Variants in SLIT2 observed in about 807,000 individuals in gnomAD.
SLIT2 encodes the protein slit homolog 2 protein.
SLIT2 carries 41 observed loss-of-function variants against 185.7 expected under a neutral mutation model. The ratio of observed to expected loss-of-function variants is 0.22; its 90% CI spans 0.17 to 0.29. The LOEUF (loss-of-function observed/expected upper bound fraction) is 0.29, where lower values mean the gene tolerates loss of function less well. Among genes scored for constraint, SLIT2 ranks in the 10% least tolerant of loss-of-function variants. SLIT2 has a pLI of 1.00. For synonymous variants in SLIT2, 693 were observed against 680.2 expected, an observed-to-expected ratio of 1.02 and a Z score of -0.29; for missense variants, 1,571 against 1,909.0, an observed-to-expected ratio of 0.82 and a Z score of 3.30.
chr4:20,307,156 C>T (rs61792585), intron 4 of SLIT2, among the ~76,000 whole-genome samples: 6 of 15,474 alleles, frequency 3.9e-4, no homozygotes, highest in South Asian at 4.5e-3. Flanking sequence ...CCCTCCCTCC[C>T]TCCCTCCTTC....
Position 20,253,857 on chromosome 4 carries a change from G to A in SLIT2, c.42G>A (p.Gly14=). 1 of 1,600,510 alleles carries A rather than the reference G, an allele frequency of 6.2e-7. No individual in the cohort carries two copies. Among genetic ancestry groups the A allele is most frequent in the Non-Finnish European group, 8.5e-7 (1 of 1,179,900 alleles). Residue 14 remains glycine (G), a synonymous_variant, in exon 1 of 37, where the codon GGG becomes GGA. Transcript: ENST00000504154. Reference sequence around the variant, plus strand: ...GGCAGATGCTGTCCCTGTCGCTGGGGTTAGTGCTGGCGATCCTGAACAAGG... The same window carrying A: ...GGCAGATGCTGTCCCTGTCGCTGGGATTAGTGCTGGCGATCCTGAACAAGG... ...VGWQMLSLSL[G]LVLAILNKVA...
intron 4 of SLIT2, among the ~76,000 whole-genome samples, chr4:20,421,765 G>A (rs1728188805): frequency 6.6e-6 from 1 of 152,180 alleles, no homozygotes; most frequent in Non-Finnish European, 1.5e-5. Context: ...ATCCAGCTCT[G>A]ATGTCAAGAG....
intron 4 of SLIT2, among the ~76,000 whole-genome samples, chr4:20,421,996 C>T (rs1441290049): frequency 2.0e-5 from 3 of 152,182 alleles, no homozygotes; most frequent in Non-Finnish European, 4.4e-5. Flanking sequence ...AACACCTCCA[C>T]AACATGTTGC....
chr4:20,568,737 A>G (rs775418252), intron 28 of SLIT2, 128 bp from the exon 29 acceptor site: 26 of 795,056 alleles, frequency 3.3e-5, no homozygotes, highest in Non-Finnish European at 4.8e-5. Context: ...GCATTTTAAA[A>G]AATCAATTTC....
intron 33 of SLIT2, among the ~76,000 whole-genome samples, chr4:20,609,098 A>T (rs78232224): frequency 6.6e-6 from 1 of 152,294 alleles, no homozygotes; most frequent in Non-Finnish European, 1.5e-5. Flanking sequence ...GCCTGCTGTA[A>T]CACCAGAGTT....
chr4:20,585,070 C>A (rs1283071051), intron 29 of SLIT2, among the ~76,000 whole-genome samples: 3 of 151,670 alleles, frequency 2.0e-5, no homozygotes, highest in African/African-American at 7.3e-5. Flanking sequence ...AAACAAAAAA[C>A]AAAAAACAAC....
At chr4:20,384,485 T>C (rs1290689648) in intron 4 of SLIT2, among the ~76,000 whole-genome samples, 1 of 152,170 alleles carries the variant, frequency 6.6e-6, no homozygotes, top group Non-Finnish European at 1.5e-5. Context: ...TTAATTTTAC[T>C]GCTCATAAAT....
Position 20,620,412 on chromosome 4 carries a change from G to C in SLIT2, c.*1403G>C. Reference sequence around the variant, plus strand: ...CCTCATTAAAATCCCAGGGTGCCCTGTAAAGATGCAGATGTTTCTTCCTGA... The same window carrying C: ...CCTCATTAAAATCCCAGGGTGCCCTCTAAAGATGCAGATGTTTCTTCCTGA... On this transcript the variant is annotated 3_prime_UTR_variant, in exon 37 of 37. Coordinates refer to ENST00000504154, the MANE Select transcript of SLIT2 (RefSeq NM_004787.4). 1 of 455,702 alleles carries C rather than the reference G, an allele frequency of 2.2e-6. No homozygotes were observed. Among genetic ancestry groups the C allele is most frequent in the Non-Finnish European group, 4.4e-6 (1 of 226,836 alleles). 28.2% of individuals were successfully genotyped at this position (455,702 alleles called of 1,614,324 possible).
At chr4:20,517,316 C>T (rs901833619) in intron 11 of SLIT2, among the ~76,000 whole-genome samples, 1 of 152,102 alleles carries the variant, frequency 6.6e-6, no homozygotes, top group Non-Finnish European at 1.5e-5. Flanking sequence ...TAGAATCTGG[C>T]AAAGTTACAG....
intron 4 of SLIT2, among the ~76,000 whole-genome samples, chr4:20,395,426 AC>A (rs1429482925): frequency 2.6e-5 from 4 of 152,048 alleles, no homozygotes; most frequent in Admixed American, 2.6e-4. Flanking sequence ...AGGGCATGGA[AC>A]AAAGGATATG....
chr4:20,548,664 G>A (rs1723465224), intron 23 of SLIT2, 105 bp downstream of exon 23: 1 of 715,178 alleles, frequency 1.4e-6, no homozygotes, highest in Non-Finnish European at 2.5e-6. Context: ...TACCCTCAAG[G>A]AATGTTTCTA....
intron 16 of SLIT2, among the ~76,000 whole-genome samples, chr4:20,529,727 A>G (rs1265479975): frequency 6.6e-6 from 1 of 152,340 alleles, no homozygotes; most frequent in Admixed American, 6.5e-5. Flanking sequence ...TTCTATGCCC[A>G]TGCATGGTTT....
intron 4 of SLIT2, among the ~76,000 whole-genome samples, chr4:20,337,622 A>G (rs1720614242): frequency 1.3e-5 from 2 of 152,162 alleles, no homozygotes; most frequent in South Asian, 2.1e-4. Flanking sequence ...AAACTTAGAT[A>G]ACTTGACATT....
At chr4:20,598,686 G>A (rs1728169535) in intron 33 of SLIT2, among the ~76,000 whole-genome samples, 2 of 152,084 alleles carry the variant, frequency 1.3e-5, no homozygotes, top group African/African-American at 4.8e-5. Context: ...ATGCCTGAAG[G>A]ATCAAGAGGA....
intron 4 of SLIT2, among the ~76,000 whole-genome samples, chr4:20,354,511 G>T (rs1291293302): frequency 6.6e-6 from 1 of 152,280 alleles, no homozygotes; most frequent in South Asian, 2.1e-4. Flanking sequence ...CAGGCACATT[G>T]TTAAGGGCAC....
At chr4:20,404,842 T>C (rs992404224) in intron 4 of SLIT2, among the ~76,000 whole-genome samples, 15 of 152,034 alleles carry the variant, frequency 9.9e-5, no homozygotes, top group African/African-American at 1.4e-4. Context: ...TTGTAAAGAA[T>C]TGAGAGTTTA....
intron 3 of SLIT2, among the ~76,000 whole-genome samples, chr4:20,266,949 C>G (rs1307289178): frequency 1.3e-5 from 2 of 152,044 alleles, no homozygotes; most frequent in South Asian, 4.2e-4. Context: ...AATGCTTGCT[C>G]TGGCTAGAGA....
chr4:20,343,273 C>T (rs906870562), intron 4 of SLIT2, among the ~76,000 whole-genome samples: 1 of 152,094 alleles, frequency 6.6e-6, no homozygotes, highest in Non-Finnish European at 1.5e-5. Flanking sequence ...TCCATTACTT[C>T]GTGGGGTCAA....
intron 5 of SLIT2, among the ~76,000 whole-genome samples, chr4:20,472,453 GAT>G (rs1232535835): frequency 5.5e-4 from 13 of 23,470 alleles, no homozygotes; most frequent in African/African-American, 2.1e-3. Flanking sequence ...TATCTATATA[GAT>G]ATATCTATAT....
Sources: gnomAD v4.1 joint callset for allele counts (sites outside exome capture counted in the v4.1 genomes callset) on GRCh38, gnomAD v4.1.1 for gene constraint, MANE v1.5 for transcripts, NCBI Gene and HGNC (gene_info 2026-07-23, HGNC 2026-07-21) for gene names.